Variants in RPP30 observed in about 807,000 individuals in gnomAD.
RPP30 encodes ribonuclease P/MRP subunit p30, also known as ribonuclease P protein subunit p30.
Under a neutral mutation model 38.6 loss-of-function variants are expected in RPP30, and 36 were observed. The ratio of observed to expected loss-of-function variants is 0.93; its 90% CI spans 0.71 to 1.23. The LOEUF is 1.23. Among genes scored for constraint, RPP30 ranks in the 50% most tolerant of loss-of-function variants. The probability of loss-of-function intolerance (pLI) is 0.00; values close to 1 mark genes in which losing one functional copy is unlikely to be tolerated. For missense variants in RPP30, 321 were observed against 321.7 expected (o/e 1.00, Z 0.02); for synonymous variants, 126 against 112.7 (o/e 1.12, Z -0.75).
At chr10:90,877,001 G>T (rs1846860972) in intron 4 of RPP30, among the ~76,000 whole-genome samples, 1 of 152,116 alleles carries the variant, frequency 6.6e-6, no homozygotes, top group Non-Finnish European at 1.5e-5. Flanking sequence ...ATGAGTTACT[G>T]TGAGAGTTTC....
Position 90,874,893 on chromosome 10 carries a change from A to G in RPP30, c.107A>G (p.Asn36Ser), listed in dbSNP as rs1193943591. The change falls in exon 2 of 11, where the codon AAT (asparagine) becomes AGT (serine). Residue 36 changes from asparagine (N) to serine (S), a missense_variant. Coordinates refer to ENST00000371703, the MANE Select transcript of RPP30 (RefSeq NM_006413.5). ...GTTGGCTATTCAGTTGTTGCTATCA[A>G]TCATATCGTTGACTTTAAGGAAAAG... is the stretch of plus-strand genomic sequence containing the variant. Reference protein sequence around the residue: ...AHLGYSVVAINHIVDFKEKKQ... With the variant: ...AHLGYSVVAISHIVDFKEKKQ... 4 of 1,597,564 alleles carry G rather than the reference A, an allele frequency of 2.5e-6. No homozygotes were observed. Among genetic ancestry groups the G allele is most frequent in the East Asian group, 4.5e-5 (2 of 44,530 alleles).
intron 4 of RPP30, 69 bp downstream of exon 4, chr10:90,876,167 G>T (rs1321699837): frequency 1.3e-5 from 13 of 1,007,966 alleles, no homozygotes; most frequent in Admixed American, 3.9e-5. Context: ...GAACAATGTT[G>T]CATTTTGTCT....
intron 5 of RPP30, among the ~76,000 whole-genome samples, chr10:90,880,848 C>T (rs997745533): frequency 1.3e-5 from 2 of 152,168 alleles, no homozygotes; most frequent in Admixed American, 1.3e-4. Context: ...CAGGCACATT[C>T]AGCCCTCACC....
intron 4 of RPP30, among the ~76,000 whole-genome samples, 160 bp downstream of exon 4, chr10:90,876,258 A>G (rs938181770): frequency 6.6e-6 from 1 of 152,170 alleles, no homozygotes; most frequent in African/African-American, 2.4e-5. Context: ...CACACAGTGT[A>G]ATATGTCTGT....
intron 4 of RPP30, among the ~76,000 whole-genome samples, chr10:90,877,779 G>T (rs990274122): frequency 6.6e-6 from 1 of 152,210 alleles, no homozygotes; most frequent in Non-Finnish European, 1.5e-5. Context: ...GAGGCGTAGG[G>T]TGGTTAGTGG....
intron 4 of RPP30, among the ~76,000 whole-genome samples, chr10:90,878,280 TTC>T (rs1234003197): frequency 1.3e-5 from 2 of 152,186 alleles, no homozygotes; most frequent in Non-Finnish European, 2.9e-5. Context: ...CACCTGCTGC[TTC>T]TCTTATACCC....
At chr10:90,876,719 A>G (rs1349237375) in intron 4 of RPP30, among the ~76,000 whole-genome samples, 1 of 152,212 alleles carries the variant, frequency 6.6e-6, no homozygotes, top group East Asian at 1.9e-4. Flanking sequence ...GCATAAGGTT[A>G]AAGATATAAA....
chr10:90,895,811 AT>A, intron 8 of RPP30, 68 bp from the exon 9 acceptor site: 1 of 1,133,722 alleles, frequency 8.8e-7, no homozygotes, highest in Non-Finnish European at 1.3e-6. Context: ...TTTTCTATTA[AT>A]TTGCTATAAG....
chr10:90,887,821 TG>T (rs1847021008), intron 6 of RPP30, among the ~76,000 whole-genome samples: 1 of 152,206 alleles, frequency 6.6e-6, no homozygotes, highest in African/African-American at 2.4e-5. Context: ...ATTTTCGAGT[TG>T]GAAATCTATG....
Position 90,885,867 on chromosome 10 carries a change from T to C in RPP30, c.398T>C (p.Leu133Pro), listed in dbSNP as rs199793690. The change falls in exon 6 of 11, where the codon CTA (leucine) becomes CCA (proline). Residue 133 changes from leucine to proline, a missense_variant. Leu to Pro is a moderately conservative substitution (Grantham distance 98, BLOSUM62 -3). Transcript: ENST00000371703. Reference protein sequence around the residue: ...DLVCITVTEKLPFYFKRPPIN... With the variant: ...DLVCITVTEKPPFYFKRPPIN... ...GTCTGCATAACTGTAACAGAGAAACTACCATTTTACTTCAAAAGACCTCCT... is the reference window on the plus strand; with the variant it reads ...GTCTGCATAACTGTAACAGAGAAACCACCATTTTACTTCAAAAGACCTCCT... The C allele has an allele frequency of 4.1e-5, 66 of 1,609,468 alleles. No homozygotes were observed. Among genetic ancestry groups the C allele is most frequent in the Non-Finnish European group, 5.4e-5 (63 of 1,177,332 alleles).
intron 7 of RPP30, 137 bp downstream of exon 7, chr10:90,895,028 G>C: frequency 2.6e-6 from 2 of 755,436 alleles, no homozygotes; most frequent in Non-Finnish European, 4.8e-6. Context: ...CCATTTCAGT[G>C]AGCTCTGCAA....
chr10:90,907,906 T>A (rs1232962632), downstream of RPP30, among the ~76,000 whole-genome samples: 1 of 152,220 alleles, frequency 6.6e-6, no homozygotes, highest in Non-Finnish European at 1.5e-5. Flanking sequence ...TAGGCGGTTT[T>A]GTTGTGTGAA....
intron 7 of RPP30, chr10:90,895,236 A>G (rs781744776): frequency 6.1e-5 from 30 of 495,286 alleles, no homozygotes; most frequent in Admixed American, 1.6e-4. Flanking sequence ...ACCTTTACTA[A>G]GATCTGTTAG....
At chr10:90,885,109 G>A (rs1330454034) in intron 5 of RPP30, among the ~76,000 whole-genome samples, 1 of 151,820 alleles carries the variant, frequency 6.6e-6, no homozygotes, top group African/African-American at 2.4e-5. Flanking sequence ...TCTTGTATGT[G>A]GTTTTCATAA....
At chr10:90,875,534 G>A (rs200660857) in intron 2 of RPP30, 24 bp from the exon 3 acceptor site, 284 of 1,600,894 alleles carry the variant, frequency 1.8e-4, no homozygotes, top group Non-Finnish European at 4.1e-5. Flanking sequence ...ACAATCTGCA[G>A]TAACTATTTA....
downstream of RPP30, chr10:90,903,280 G>A: frequency 6.3e-7 from 1 of 1,587,416 alleles, no homozygotes; most frequent in Non-Finnish European, 8.6e-7. Flanking sequence ...TTAAAAGGTT[G>A]GTACCCAAGT....
At chr10:90,894,434 G>A (rs937474506) in intron 6 of RPP30, among the ~76,000 whole-genome samples, 3 of 152,066 alleles carry the variant, frequency 2.0e-5, no homozygotes, top group Admixed American at 1.3e-4. Flanking sequence ...GTAAATGTAG[G>A]GAGTACATTT....
intron 10 of RPP30, among the ~76,000 whole-genome samples, chr10:90,899,016 T>A (rs1199113064): frequency 1.3e-5 from 2 of 152,260 alleles, no homozygotes; most frequent in Non-Finnish European, 2.9e-5. Flanking sequence ...AAACATTTTA[T>A]AAACTAAAGC....
chr10:90,902,108 A>G lies in RPP30; in HGVS notation c.*1429A>G, dbSNP rs1847210921. ...CACTGCGCCCGGCCCGAGAAAATAC[A>G]GTTTTAAAAAGAGAAAGCTTTATAA... On this transcript the variant is annotated 3_prime_UTR_variant, in exon 11 of 11. Transcript: ENST00000371703. 4 of 989,406 alleles carry G rather than the reference A, an allele frequency of 4.0e-6. No individual in the cohort carries two copies. The highest frequency in any genetic ancestry group is 8.9e-5 in the South Asian group (2 of 22,408). The allele number at this position is 989,406 out of a possible 1,614,324, so 61.3% of individuals were successfully genotyped here.
Sources: allele counts gnomAD v4.1 joint callset (sites outside exome capture counted in the v4.1 genomes callset), GRCh38; gene constraint gnomAD v4.1.1; transcripts MANE v1.5; gene names NCBI Gene and HGNC (gene_info 2026-07-23, HGNC 2026-07-21).